The following FSD1 variants were observed in gnomAD, a reference collection of about 807,000 sequenced individuals.
FSD1 encodes the protein fibronectin type III and SPRY domain containing 1.
Under a neutral mutation model 58.2 loss-of-function variants are expected in FSD1, and 23 were observed. The ratio of observed to expected loss-of-function variants is 0.40; its 90% CI spans 0.28 to 0.56. The LOEUF is 0.56. Among genes scored for constraint, FSD1 ranks in the 20% least tolerant of loss-of-function variants. The pLI is 0.54. For missense variants in FSD1, 563 were observed against 670.8 expected, an observed-to-expected ratio of 0.84 and a Z score of 1.78; for synonymous variants, 265 against 263.4, an observed-to-expected ratio of 1.01 and a Z score of -0.06.
In FSD1 at chr19:4,308,845, G is replaced by A. The variant is rs562114667; in HGVS notation, c.345+862G>A. 3.5e-4 allele frequency among the ~76,000 whole-genome samples: 49 copies of A among 138,358 alleles called. 1 individual carries two copies. In the South Asian group the frequency reaches 0.011, roughly 31 times the overall value. The allele number at this position is 138,358 out of a possible 152,430, so 90.8% of individuals were successfully genotyped here. A position where few individuals can be genotyped will look rare whatever the true frequency, so the allele number is the denominator to read the frequency against. On this transcript the variant is annotated intron_variant, in intron 4 of 12. Coordinates refer to ENST00000221856, the MANE Select transcript of FSD1 (RefSeq NM_024333.3). ...CGCACTCCAGCCTGGGCAACAGAGC[G>A]AGACTCCGTCGCAAAAAAAAGAGAT...
intron 10 of FSD1, among the ~76,000 whole-genome samples, 163 bp downstream of exon 10, chr19:4,319,114 C>T (rs896418728): frequency 3.9e-5 from 6 of 152,184 alleles, no homozygotes; most frequent in Non-Finnish European, 8.8e-5. Flanking sequence ...GGAAATATTT[C>T]GGGATAAGGG....
intron 8 of FSD1, 71 bp from the exon 9 acceptor site, chr19:4,318,275 G>C (rs780717965): frequency 6.2e-7 from 1 of 1,602,058 alleles, no homozygotes; most frequent in South Asian, 1.1e-5. Context: ...GTCACTCTCT[G>C]TCTCTCTGTC....
At chr19:4,315,700 C>T (rs1427999820) in intron 7 of FSD1, among the ~76,000 whole-genome samples, 2 of 149,792 alleles carry the variant, frequency 1.3e-5, no homozygotes, top group Non-Finnish European at 3.0e-5. Context: ...CAACTTCTGC[C>T]TCCTGGGTTC....
At chr19:4,316,240 G>A (rs941621552) in intron 7 of FSD1, among the ~76,000 whole-genome samples, 2 of 151,824 alleles carry the variant, frequency 1.3e-5, no homozygotes, top group African/African-American at 4.8e-5. Context: ...TTTTTGGAGG[G>A]GGTCAGAGTT....
chr19:4,322,287 C>G (rs1310832259), intron 10 of FSD1, among the ~76,000 whole-genome samples: 1 of 137,830 alleles, frequency 7.3e-6, no homozygotes. Flanking sequence ...GGGGGAATAG[C>G]TGGGATCCTG....
intron 6 of FSD1, chr19:4,311,539 C>T (rs969166899): frequency 1.3e-5 from 4 of 304,988 alleles, no homozygotes; most frequent in African/African-American, 4.4e-5. Context: ...AAAAATTAGC[C>T]GGGCCATGGT....
At chr19:4,321,364 A>G in intron 10 of FSD1, among the ~76,000 whole-genome samples, 1 of 107,524 alleles carries the variant, frequency 9.3e-6, no homozygotes, top group Admixed American at 9.4e-5. Flanking sequence ...GGGACTGAGG[A>G]GTATCTGGGG....
intron 7 of FSD1, among the ~76,000 whole-genome samples, chr19:4,314,073 C>T (rs193103597): frequency 6.4e-4 from 98 of 152,246 alleles, no homozygotes; most frequent in Non-Finnish European, 9.0e-4. Flanking sequence ...AGGGGAATCC[C>T]GGAGGGGCGG....
chr19:4,306,176 G>A (rs1274414366), intron 2 of FSD1, 22 bp from the exon 3 acceptor site: 7 of 1,613,804 alleles, frequency 4.3e-6, no homozygotes, highest in Non-Finnish European at 5.9e-6. Context: ...GGCTTTGGCC[G>A]ATTCTGGCTG....
chr19:4,314,739 G>A (rs754905271), intron 7 of FSD1, among the ~76,000 whole-genome samples: 17 of 152,114 alleles, frequency 1.1e-4, no homozygotes, highest in Non-Finnish European at 1.9e-4. Flanking sequence ...CGCCTGCCTC[G>A]GCCTCCCAGT....
chr19:4,305,851 T>C (rs1421944739), intron 1 of FSD1, 95 bp from the exon 2 acceptor site: 2 of 862,218 alleles, frequency 2.3e-6, no homozygotes, highest in Admixed American at 1.8e-5. Context: ...TGTGTGCATG[T>C]GTGTGCACGT....
chr19:4,310,190 A>G (rs1971672650), intron 4 of FSD1, 83 bp from the exon 5 acceptor site: 1 of 1,507,946 alleles, frequency 6.6e-7, no homozygotes, highest in African/African-American at 1.4e-5. Context: ...TCTCCACTGC[A>G]ATCCAGCCTG....
chr19:4,313,078 G>T (rs1971712611), intron 7 of FSD1, among the ~76,000 whole-genome samples: 1 of 151,586 alleles, frequency 6.6e-6, no homozygotes, highest in African/African-American at 2.4e-5. Flanking sequence ...GCCAGGCATG[G>T]TGGCTCAAGC....
At chr19:4,308,488 C>T (rs150356123) in intron 4 of FSD1, among the ~76,000 whole-genome samples, 239 of 151,926 alleles carry the variant, frequency 1.6e-3, no homozygotes, top group African/African-American at 5.1e-3. Context: ...TTTGGGAGGC[C>T]GAGGCAGGAG....
chr19:4,309,629 G>T (rs1971665032), intron 4 of FSD1, among the ~76,000 whole-genome samples: 1 of 152,214 alleles, frequency 6.6e-6, no homozygotes, highest in Non-Finnish European at 1.5e-5. Flanking sequence ...AAATCTTTGG[G>T]CCGGGCGCAG....
In FSD1 at chr19:4,312,022, G is replaced by A; in HGVS notation, c.671G>A (p.Gly224Asp). ...KEDQPWMVIE[G>D]IRQTEYTLTG... ...GACCAGCCCTGGATGGTCATCGAGG[G>A]CATCCGGCAGACAGAGTACACCCTG... The change falls in exon 7 of 13, where the codon GGC (glycine) becomes GAC (aspartate). Residue 224 changes from glycine (G) to aspartate (D), a missense_variant. By Grantham distance (94) the Gly-to-Asp change is moderately conservative. Coordinates refer to ENST00000221856, the MANE Select transcript of FSD1 (RefSeq NM_024333.3). The A allele has an allele frequency of 6.2e-7, 1 of 1,610,722 alleles. No homozygotes were observed. Among genetic ancestry groups the A allele is most frequent in the Non-Finnish European group, 8.5e-7 (1 of 1,179,960 alleles).
At chr19:4,310,961 G>C (rs1220052532) in intron 6 of FSD1, 1 of 196,682 alleles carries the variant, frequency 5.1e-6, no homozygotes, top group Admixed American at 5.3e-5. Flanking sequence ...GTCCCCAGGG[G>C]TGGAGCCCTG....
intron 9 of FSD1, 42 bp from the exon 10 acceptor site, chr19:4,318,830 G>A (rs1205286893): frequency 6.6e-7 from 1 of 1,515,216 alleles, no homozygotes; most frequent in Admixed American, 1.7e-5. Flanking sequence ...GAGAAGTGTT[G>A]AACTGAGCCT....
intron 6 of FSD1, chr19:4,310,844 G>A: frequency 2.2e-6 from 1 of 448,268 alleles, no homozygotes; most frequent in Non-Finnish European, 4.1e-6. Flanking sequence ...GTACCCAGGG[G>A]TGGAACTGTG....
Sources: allele counts gnomAD v4.1 joint callset (sites outside exome capture counted in the v4.1 genomes callset), GRCh38; gene constraint gnomAD v4.1.1; transcripts MANE v1.5; gene names NCBI Gene and HGNC (gene_info 2026-07-23, HGNC 2026-07-21).